Variants in IGFL3 observed in about 807,000 individuals in gnomAD.
IGFL3 encodes IGF like family member 3, also known as insulin growth factor-like family member 3.
In IGFL3, 12 loss-of-function variants were observed where a neutral mutation model predicts 17.0. The observed-to-expected ratio is 0.71, with a 90% CI of 0.45 to 1.14. IGFL3 has a LOEUF of 1.14. Among genes scored for constraint, IGFL3 ranks in the 50% most tolerant of loss-of-function variants. IGFL3 has a pLI of 0.00. For synonymous variants in IGFL3, 52 were observed against 57.4 expected (o/e 0.91, Z 0.42); for missense variants, 153 against 151.6 (o/e 1.01, Z -0.05).
rs960790145 is a variant in IGFL3, at chr19:46,124,517, C to A, written c.25+108G>T. The stretch of plus-strand genomic sequence containing the variant: ...ACCCTTTGAGGTGACTAGTAGGGCA[C>A]AGGAGGCTGGAATAATGTTAGAGAT... On this transcript the variant is annotated intron_variant, in intron 1 of 3. Transcript: ENST00000341415. 1.5e-5 allele frequency: 19 copies of A among 1,243,840 alleles called. 3 individuals carry two copies. In the East Asian group the frequency reaches 4.5e-4, roughly 29 times the overall value. The allele number at this position is 1,243,840 out of a possible 1,614,324, so 77.1% of individuals were successfully genotyped here. A position where few individuals can be genotyped will look rare whatever the true frequency, so the allele number is the denominator to read the frequency against.
chr19:46,121,223 A>AT (rs1277091751), intron 3 of IGFL3, among the ~76,000 whole-genome samples: 1 of 149,388 alleles, frequency 6.7e-6, no homozygotes. Flanking sequence ...ACCAAAAAAA[A>AT]ACCAAAAAAC....
chr19:46,121,844 T>G (rs1006161260), intron 3 of IGFL3, among the ~76,000 whole-genome samples: 1 of 151,072 alleles, frequency 6.6e-6, no homozygotes, highest in Non-Finnish European at 1.5e-5. Flanking sequence ...TTGGTGCTTG[T>G]GCTGGAGAGA....
chr19:46,124,088 G>A lies in IGFL3; in HGVS notation c.148C>T (p.Pro50Ser), dbSNP rs202054517. Reference protein sequence around the residue: ...TPRCGNKIYNPSEQCCYDDAI... With the variant: ...TPRCGNKIYNSSEQCCYDDAI... ...TCATCATAACAGCACTGCTCTGAAG[G>A]GTTGTAGATCTTGTTCCCACACCTG... Residue 50 changes from proline to serine, a missense_variant, in exon 3 of 4, where the codon CCT (proline) becomes TCT (serine). Coordinates refer to ENST00000341415, the MANE Select transcript of IGFL3 (RefSeq NM_207393.2). The A allele has an allele frequency of 2.0e-5, 33 of 1,611,546 alleles. No individual in the cohort carries two copies. Among genetic ancestry groups the A allele is most frequent in the Non-Finnish European group, 2.5e-5 (30 of 1,179,610 alleles).
intron 3 of IGFL3, among the ~76,000 whole-genome samples, chr19:46,122,715 A>G (rs975802803): frequency 6.6e-6 from 1 of 151,002 alleles, no homozygotes; most frequent in African/African-American, 2.5e-5. Flanking sequence ...GCCCCAAAAA[A>G]CTGCAATGGT....
chr19:46,120,134 A>T lies in IGFL3; in HGVS notation c.*196T>A. 1.5e-6 allele frequency: 1 copy of T among 671,420 alleles called. No homozygotes were observed. The highest frequency in any genetic ancestry group is 2.4e-6 in the Non-Finnish European group (1 of 420,134). The allele number at this position is 671,420 out of a possible 1,614,324, so 41.6% of individuals were successfully genotyped here. A position where few individuals can be genotyped will look rare whatever the true frequency, so the allele number is the denominator to read the frequency against. On this transcript the variant is annotated 3_prime_UTR_variant, in exon 4 of 4. Transcript: ENST00000341415. ...GGCTCTCAGCGGGAAGGGGAGCTGG[A>T]AAGGGGATGAAGCAGGAAGGCATTC... is the stretch of plus-strand genomic sequence containing the variant.
chr19:46,124,256 T>A lies in IGFL3; in HGVS notation c.79+12A>T. 3 of 1,610,356 alleles carry A rather than the reference T, an allele frequency of 1.9e-6. 1 individual carries two copies. The highest frequency in any genetic ancestry group is 2.5e-6 in the Non-Finnish European group (3 of 1,178,694). ...CCTCTTCCCTCCTCATTTTTCCCTG[T>A]CCTGTCCTTACCTGTAGTTCCTTTT... On this transcript the variant is annotated intron_variant, in intron 2 of 3. Transcript: ENST00000341415.
rs754245386 is a variant in IGFL3, at chr19:46,124,042, T to C, written c.194A>G (p.Glu65Gly). Residue 65 changes from glutamate (E) to glycine (G), a missense_variant, in exon 3 of 4, where the codon GAG (glutamate) becomes GGG (glycine). Transcript: ENST00000341415. ...CYDDAILSLKETRRCGSTCTF... is the reference protein window; with the variant it reads ...CYDDAILSLKGTRRCGSTCTF... The stretch of plus-strand genomic sequence containing the variant: ...GCAGGTGGAGCCACAGCGGCGGGTC[T>C]CCTTTAAGGATAAGATGGCATCATC... The C allele has an allele frequency of 9.9e-6, 16 of 1,611,424 alleles. No individual in the cohort carries two copies. Among genetic ancestry groups the C allele is most frequent in the Non-Finnish European group, 1.4e-5 (16 of 1,179,668 alleles).
intron 3 of IGFL3, among the ~76,000 whole-genome samples, chr19:46,123,357 A>G (rs967675960): frequency 6.6e-6 from 1 of 150,884 alleles, no homozygotes; most frequent in Non-Finnish European, 1.5e-5. Context: ...ACTAATAAAA[A>G]TATGCTCAAA....
chr19:46,122,262 C>G lies in IGFL3; in HGVS notation c.350+1624G>C, dbSNP rs112436953. ...GCTATATATAATTTGCACAAAACAT[C>G]TTTAGCCAGGGTAAGGTTTTAGAAA... is the stretch of plus-strand genomic sequence containing the variant. On this transcript the variant is annotated intron_variant, in intron 3 of 3. Coordinates refer to ENST00000341415, the MANE Select transcript of IGFL3 (RefSeq NM_207393.2). Among the ~76,000 whole-genome samples, 247 of 151,100 alleles carry G rather than the reference C, an allele frequency of 1.6e-3. 8 individuals are homozygous for G. Among genetic ancestry groups the G allele is most frequent in the Non-Finnish European group, 2.4e-3 (165 of 67,956 alleles).
rs566358723 is a variant in IGFL3 at position 46,124,209 on chromosome 19, C to T, written c.80-53G>A. The T allele has an allele frequency of 3.5e-5, 57 of 1,609,236 alleles. 4 individuals carry two copies. The African/African-American group carries it at 7.2e-4, about 20-fold the overall frequency. On this transcript the variant is annotated intron_variant, in intron 2 of 3. Transcript: ENST00000341415. ...CCAAGGAAGAACAGATACTCAATTC[C>T]CAGTCTCTTTTCCCAACACCACCTC...
Position 46,120,480 on chromosome 19 carries a change from A to G in IGFL3, c.351-123T>C, listed in dbSNP as rs868070512. Reference sequence around the variant, plus strand: ...GACTTGACTGCTACACCAGATGTGTAGATATCAACAGAAGGACACAGTCAC... The same window carrying G: ...GACTTGACTGCTACACCAGATGTGTGGATATCAACAGAAGGACACAGTCAC... On this transcript the variant is annotated intron_variant, in intron 3 of 3. Transcript: ENST00000341415. 5.4e-5 allele frequency: 74 copies of G among 1,373,682 alleles called. 4 individuals carry two copies. In the African/African-American group the frequency reaches 7.0e-4, roughly 13 times the overall value. 85.1% of individuals were successfully genotyped at this position (1,373,682 alleles called of 1,614,324 possible).
chr19:46,122,667 C>G (rs1349090727), intron 3 of IGFL3, among the ~76,000 whole-genome samples: 1 of 151,064 alleles, frequency 6.6e-6, no homozygotes, highest in African/African-American at 2.5e-5. Flanking sequence ...AAGTTACATT[C>G]GGTTACTGTC....
In IGFL3 at chr19:46,124,251, C is replaced by T; in HGVS notation, c.79+17G>A. On this transcript the variant is annotated intron_variant, in intron 2 of 3. Transcript: ENST00000341415. The stretch of plus-strand genomic sequence containing the variant: ...CACCACCTCTTCCCTCCTCATTTTT[C>T]CCTGTCCTGTCCTTACCTGTAGTTC... 6.2e-7 allele frequency: 1 copy of T among 1,610,022 alleles called. No homozygotes were observed. Among genetic ancestry groups the T allele is most frequent in the Non-Finnish European group, 8.5e-7 (1 of 1,178,554 alleles).
At chr19:46,124,484 G>C (rs981245207) in intron 1 of IGFL3, 141 bp downstream of exon 1, 1 of 1,128,568 alleles carries the variant, frequency 8.9e-7, no homozygotes, top group African/African-American at 1.6e-5. Context: ...TGAGCAGCAC[G>C]CTCAGTCACC....
intron 3 of IGFL3, 103 bp from the exon 4 acceptor site, chr19:46,120,460 G>A: frequency 1.3e-6 from 2 of 1,520,852 alleles, no homozygotes; most frequent in Non-Finnish European, 1.8e-6. Flanking sequence ...TAACAGACTT[G>A]ACTGCTACAC....
chr19:46,124,074 G>A lies in IGFL3; in HGVS notation c.162C>T (p.Cys54=), dbSNP rs780003894. ...AGGATAAGATGGCATCATCATAACAGCACTGCTCTGAAGGGTTGTAGATCT... is the reference window on the plus strand; with the variant it reads ...AGGATAAGATGGCATCATCATAACAACACTGCTCTGAAGGGTTGTAGATCT... ...GNKIYNPSEQ[C]CYDDAILSLK... Residue 54 remains cysteine, a synonymous_variant, in exon 3 of 4, where the codon TGC becomes TGT. Coordinates refer to ENST00000341415, the MANE Select transcript of IGFL3 (RefSeq NM_207393.2). The A allele has an allele frequency of 6.2e-7, 1 of 1,611,436 alleles. No individual in the cohort carries two copies. The highest frequency in any genetic ancestry group is 1.4e-5 in the African/African-American group (1 of 73,878).
chr19:46,124,571 G>A, intron 1 of IGFL3, 54 bp downstream of exon 1: 2 of 1,519,218 alleles, frequency 1.3e-6, no homozygotes, highest in Non-Finnish European at 1.8e-6. Flanking sequence ...TTGAGGTTTG[G>A]GAGCTGCACT....
In IGFL3 at chr19:46,120,123, A is replaced by C. The variant is rs1018163847; in HGVS notation, c.*207T>G. On this transcript the variant is annotated 3_prime_UTR_variant, in exon 4 of 4. Coordinates refer to ENST00000341415, the MANE Select transcript of IGFL3 (RefSeq NM_207393.2). ...CCGATGAAAGTGGCTCTCAGCGGGA[A>C]GGGGAGCTGGAAAGGGGATGAAGCA... 4.8e-6 allele frequency: 3 copies of C among 628,742 alleles called. No homozygotes were observed. In the African/African-American group the frequency reaches 5.8e-5, roughly 12 times the overall value. 38.9% of individuals were successfully genotyped at this position (628,742 alleles called of 1,614,324 possible).
Position 46,120,248 on chromosome 19 carries a change from G to A in IGFL3, c.*82C>T, listed in dbSNP as rs1406697688. ...CTCTGAAGTCAAGTTGCTTCTCTCC[G>A]AAGTTCAACTGTAGTCTCCGATGTC... On this transcript the variant is annotated 3_prime_UTR_variant, in exon 4 of 4. Transcript: ENST00000341415. 3.8e-5 allele frequency: 61 copies of A among 1,592,730 alleles called. No homozygotes were observed. In the Middle Eastern group the frequency reaches 5.7e-4, roughly 15 times the overall value.
Sources: allele counts gnomAD v4.1 joint callset (sites outside exome capture counted in the v4.1 genomes callset), GRCh38; gene constraint gnomAD v4.1.1; transcripts MANE v1.5; gene names NCBI Gene and HGNC (gene_info 2026-07-23, HGNC 2026-07-21).